The following RPS6KB2 variants were observed in gnomAD, a reference collection of about 807,000 sequenced individuals.
The protein encoded by RPS6KB2 is ribosomal protein S6 kinase B2.
RPS6KB2 carries 51 observed loss-of-function variants against 58.2 expected under a neutral mutation model. That is an observed-to-expected ratio of 0.88 (90% CI 0.70 to 1.11). The LOEUF (loss-of-function observed/expected upper bound fraction) is 1.11. RPS6KB2 is among the 50% of genes least tolerant of loss of function. The probability of loss-of-function intolerance (pLI) is 0.00; values close to 1 mark genes in which losing one functional copy is unlikely to be tolerated. For synonymous variants in RPS6KB2, 293 were observed against 258.6 expected, an observed-to-expected ratio of 1.13 and a Z score of -1.28; for missense variants, 671 against 655.8, an observed-to-expected ratio of 1.02 and a Z score of -0.25.
At chr11:67,429,095 C>T (rs1337295045) in intron 2 of RPS6KB2, 25 bp from the exon 3 acceptor site, 7 of 1,613,856 alleles carry the variant, frequency 4.3e-6, no homozygotes, top group East Asian at 2.2e-5. Flanking sequence ...GGAGCCTTGT[C>T]CTCATTAACT....
rs767444952 is a variant in RPS6KB2 at position 67,432,604 on chromosome 11, C to A, written c.462C>A (p.Gly154=). Residue 154 remains glycine, a synonymous_variant, in exon 6 of 15, where the codon GGC becomes GGA. Coordinates refer to ENST00000312629, the MANE Select transcript of RPS6KB2 (RefSeq NM_003952.3). ...LYLILECLSG[G]ELFTHLEREG... ...GCTGACGTGTTTGTGTGGCAGGTGG[C>A]GAGCTCTTCACGCATCTGGAGCGAG... The A allele has an allele frequency of 6.2e-7, 1 of 1,613,968 alleles. No homozygotes were observed. Among genetic ancestry groups the A allele is most frequent in the African/African-American group, 1.3e-5 (1 of 74,920 alleles).
intron 12 of RPS6KB2, 35 bp from the exon 13 acceptor site, chr11:67,434,342 C>G: frequency 6.2e-7 from 1 of 1,608,404 alleles, no homozygotes; most frequent in Non-Finnish European, 8.5e-7. Flanking sequence ...CATCTTGGTG[C>G]CCTCTGACCC....
At chr11:67,433,972 C>CA in intron 10 of RPS6KB2, 23 bp from the exon 11 acceptor site, 1 of 1,614,044 alleles carries the variant, frequency 6.2e-7, no homozygotes, top group Non-Finnish European at 8.5e-7. Context: ...CCCAGGCCCT[C>CA]ACCCTCTCTC....
At position 67,433,409 on chromosome 11, in the gene RPS6KB2, C is replaced by T. The variant is rs370899912; in HGVS notation, c.868C>T (p.Pro290Ser). ...KIIRGKLALPPYLTPDARDLV... is the reference protein window; with the variant it reads ...KIIRGKLALPSYLTPDARDLV... The stretch of plus-strand genomic sequence containing the variant: ...CATCAGGGGCAAGCTGGCACTGCCC[C>T]CCTACCTCACCCCAGATGCCCGGGA... Residue 290 changes from proline (P) to serine (S), a missense_variant, in exon 10 of 15, where the codon CCC (proline) becomes TCC (serine). Physicochemically the swap from Pro to Ser is moderately conservative, Grantham distance 74. Transcript: ENST00000312629. 76 of 1,613,818 alleles carry T rather than the reference C, an allele frequency of 4.7e-5. No individual in the cohort carries two copies. Among genetic ancestry groups the T allele is most frequent in the Non-Finnish European group, 8.5e-6 (10 of 1,179,930 alleles).
intron 1 of RPS6KB2, 100 bp from the exon 2 acceptor site, chr11:67,428,881 TC>T (rs1385044812): frequency 7.2e-7 from 1 of 1,385,528 alleles, no homozygotes; most frequent in Non-Finnish European, 1.0e-6. Flanking sequence ...CTAGCTGCCA[TC>T]CCTGACACCC....
In RPS6KB2 at chr11:67,435,392, C is replaced by CT. The variant is rs893419534; in HGVS notation, c.*224dup. 16 of 616,528 alleles carry CT rather than the reference C, an allele frequency of 2.6e-5. No homozygotes were observed. The highest frequency in any genetic ancestry group is 2.4e-4 in the African/African-American group (13 of 53,968). The allele number at this position is 616,528 out of a possible 1,614,324, so 38.2% of individuals were successfully genotyped here. A position where few individuals can be genotyped will look rare whatever the true frequency, so the allele number is the denominator to read the frequency against. ...ACTGCTCCCGTGGAAGATTAAAGGG[C>CT]TGAATCATGGTGCTGACCTGGCTCT... On this transcript the variant is annotated 3_prime_UTR_variant, in exon 15 of 15. Transcript: ENST00000312629.
At chr11:67,430,541 C>T (rs1771296319) in intron 4 of RPS6KB2, 1 of 152,114 alleles carries the variant, frequency 6.6e-6, no homozygotes, top group South Asian at 2.1e-4. Flanking sequence ...AGGCTATCCG[C>T]TCACCTTGGC....
chr11:67,435,375 C>T lies in RPS6KB2; in HGVS notation c.*206C>T, dbSNP rs1440191669. The T allele has an allele frequency of 1.1e-5, 7 of 618,920 alleles. No individual in the cohort carries two copies. Among genetic ancestry groups the T allele is most frequent in the East Asian group, 8.5e-5 (3 of 35,280 alleles). 38.3% of individuals were successfully genotyped at this position (618,920 alleles called of 1,614,324 possible). A position where few individuals can be genotyped will look rare whatever the true frequency, so the allele number is the denominator to read the frequency against. ...GCCACGCCCCGCGCTCAACTGCTCC[C>T]GTGGAAGATTAAAGGGCTGAATCAT... On this transcript the variant is annotated 3_prime_UTR_variant, in exon 15 of 15. Coordinates refer to ENST00000312629, the MANE Select transcript of RPS6KB2 (RefSeq NM_003952.3).
rs375294282 is a variant in RPS6KB2 at position 67,434,429 on chromosome 11, C to T, written c.1100C>T (p.Pro367Leu). ...GATACCCGCTTCACACGGCAGACGC[C>T]GGTGGACAGTCCTGATGACACAGCC... The part of the protein sequence containing the change: ...QFDTRFTRQT[P>L]VDSPDDTALS... Residue 367 changes from proline (P) to leucine (L), a missense_variant, in exon 13 of 15, where the codon CCG becomes CTG. Coordinates refer to ENST00000312629, the MANE Select transcript of RPS6KB2 (RefSeq NM_003952.3). 2.3e-5 allele frequency: 37 copies of T among 1,612,948 alleles called. No homozygotes were observed. The highest frequency in any genetic ancestry group is 3.3e-5 in the Admixed American group (2 of 60,006).
intron 5 of RPS6KB2, chr11:67,431,977 TCTC>T: frequency 3.7e-6 from 1 of 270,704 alleles, no homozygotes; most frequent in South Asian, 3.8e-5. Flanking sequence ...CTTTCTAGTG[TCTC>T]CTCTGCCGAC....
In RPS6KB2 at chr11:67,434,568, C is replaced by A. The variant is rs756647984; in HGVS notation, c.1156-14C>A. 1.3e-6 allele frequency: 2 copies of A among 1,597,968 alleles called. No individual in the cohort carries two copies. Among genetic ancestry groups the A allele is most frequent in the South Asian group, 1.1e-5 (1 of 90,054 alleles). ...AGGCACTGAGTGTCGCATGGCCCTGCCTCCGCCCCCCAGGGCTTCACATAC... is the reference window on the plus strand; with the variant it reads ...AGGCACTGAGTGTCGCATGGCCCTGACTCCGCCCCCCAGGGCTTCACATAC... On this transcript the variant is annotated splice_polypyrimidine_tract_variant and intron_variant, in intron 13 of 14. Coordinates refer to ENST00000312629, the MANE Select transcript of RPS6KB2 (RefSeq NM_003952.3).
intron 5 of RPS6KB2, chr11:67,432,205 C>G (rs934528586): frequency 2.3e-6 from 1 of 434,388 alleles, no homozygotes; most frequent in Non-Finnish European, 4.6e-6. Context: ...CCCTTAAAGT[C>G]CCAGCAAACC....
At chr11:67,433,721 G>GGGGA (rs1434738053) in intron 10 of RPS6KB2, among the ~76,000 whole-genome samples, 2 of 152,156 alleles carry the variant, frequency 1.3e-5, no homozygotes, top group East Asian at 3.9e-4. Flanking sequence ...AGCATCGGAG[G>GGGGA]TGTTAGGGGG....
chr11:67,431,484 C>A lies in RPS6KB2; in HGVS notation c.426C>A (p.Gly142=). The change falls in exon 5 of 15, where the codon GGC becomes GGA. Residue 142 remains glycine (G), a synonymous_variant. Coordinates refer to ENST00000312629, the MANE Select transcript of RPS6KB2 (RefSeq NM_003952.3). ...TGGCCTATGCCTTCCAGACTGGTGG[C>A]AAACTCTACCTCATCCTTGAGTGCC... is the stretch of plus-strand genomic sequence containing the variant. ...VELAYAFQTG[G]KLYLILECLS... The A allele has an allele frequency of 3.7e-6, 6 of 1,614,112 alleles. No individual in the cohort carries two copies. The highest frequency in any genetic ancestry group is 5.1e-6 in the Non-Finnish European group (6 of 1,179,998).
At position 67,433,027 on chromosome 11, in the gene RPS6KB2, G is replaced by C. The variant is rs1864091685; in HGVS notation, c.692G>C (p.Gly231Ala). 6.2e-7 allele frequency: 1 copy of C among 1,613,332 alleles called. No homozygotes were observed. The highest frequency in any genetic ancestry group is 8.5e-7 in the Non-Finnish European group (1 of 1,180,018). The change falls in exon 8 of 15, where the codon GGC becomes GCC. Residue 231 changes from glycine (G) to alanine (A), a missense_variant. Gly to Ala is a moderately conservative substitution (Grantham distance 60). Coordinates refer to ENST00000312629, the MANE Select transcript of RPS6KB2 (RefSeq NM_003952.3). ...HEGAVTHTFC[G>A]TIEYMAPEIL... ...GGCGCCGTCACTCACACCTTCTGCG[G>C]CACCATTGAGTACATGTAAGTGGCA...
In RPS6KB2 at chr11:67,429,165, G is replaced by T; in HGVS notation, c.165G>T (p.Val55=). Residue 55 remains valine (V), a synonymous_variant, in exon 3 of 15, where the codon GTG becomes GTT. Transcript: ENST00000312629. ...AGGTGGAGCTGACTGAGACCAGCGT[G>T]AACGTTGGCCCAGAGCGCATCGGGC... ...YEEVELTETS[V]NVGPERIGPH... 1 of 1,613,966 alleles carries T rather than the reference G, an allele frequency of 6.2e-7. No individual in the cohort carries two copies.
intron 14 of RPS6KB2, 37 bp from the exon 15 acceptor site, chr11:67,434,952 C>A: frequency 6.3e-7 from 1 of 1,594,824 alleles, no homozygotes; most frequent in Non-Finnish European, 8.6e-7. Flanking sequence ...CTGGCAGGGC[C>A]TAGGAGGCTC....
intron 14 of RPS6KB2, 47 bp downstream of exon 14, chr11:67,434,741 G>A: frequency 7.0e-7 from 1 of 1,435,870 alleles, no homozygotes; most frequent in Non-Finnish European, 9.6e-7. Flanking sequence ...GACGCTGGCA[G>A]GCAGGATGCC....
chr11:67,432,926 C>G, intron 7 of RPS6KB2, 26 bp from the exon 8 acceptor site: 1 of 1,611,846 alleles, frequency 6.2e-7, no homozygotes, highest in Admixed American at 1.7e-5. Flanking sequence ...GGGCCCTGGT[C>G]ACGCCTCTCC....
Sources: allele counts gnomAD v4.1 joint callset (sites outside exome capture counted in the v4.1 genomes callset), GRCh38; gene constraint gnomAD v4.1.1; transcripts MANE v1.5; gene names NCBI Gene and HGNC (gene_info 2026-07-23, HGNC 2026-07-21).